The following PCDHGA8 variants were observed in gnomAD, a reference collection of about 807,000 sequenced individuals.
PCDHGA8 encodes protocadherin gamma-A8.
A neutral mutation model predicts 59.2 loss-of-function variants in PCDHGA8; 45 were observed. The ratio of observed to expected loss-of-function variants is 0.76; its 90% CI spans 0.60 to 0.98. PCDHGA8 has a LOEUF of 0.98. Ranked by LOEUF, PCDHGA8 falls within the 50% of genes least tolerant of loss-of-function variation. The probability of loss-of-function intolerance (pLI) is 0.00; values close to 1 mark genes in which losing one functional copy is unlikely to be tolerated. For missense variants in PCDHGA8, 1,257 were observed against 1,196.2 expected, an observed-to-expected ratio of 1.05 and a Z score of -0.75; for synonymous variants, 531 against 519.0, an observed-to-expected ratio of 1.02 and a Z score of -0.32.
chr5:141,490,421 C>T lies in PCDHGA8; in HGVS notation c.2425-4386C>T. On this transcript the variant is annotated intron_variant, in intron 1 of 3. Coordinates refer to ENST00000398604, the MANE Select transcript of PCDHGA8 (RefSeq NM_032088.2). The surrounding 1 kb of genome is among the most constrained non-coding windows in gnomAD (Gnocchi z 5.4). ...AGCCTTGATATCTCTCCGGACCTGCCATTTCAGATTAAGCCTTCTGAGAAC... is the reference window on the plus strand; with the variant it reads ...AGCCTTGATATCTCTCCGGACCTGCTATTTCAGATTAAGCCTTCTGAGAAC... 1 of 1,614,192 alleles carries T rather than the reference C, an allele frequency of 6.2e-7. No homozygotes were observed. The highest frequency in any genetic ancestry group is 8.5e-7 in the Non-Finnish European group (1 of 1,180,016).
In PCDHGA8 at chr5:141,395,206, A is replaced by T; in HGVS notation, c.2393A>T (p.His798Leu). ...TCTTTGTTAACATCCGTAGATTTTC[A>T]TGAATATAAGAATGAAGCTGATCAT... ...NDSLLTSVDF[H>L]EYKNEADHGQ... The change falls in exon 1 of 4, where the codon CAT becomes CTT. Residue 798 changes from histidine (H) to leucine (L), a missense_variant. By Grantham distance (99) the His-to-Leu change is moderately conservative. Coordinates refer to ENST00000398604, the MANE Select transcript of PCDHGA8 (RefSeq NM_032088.2). The T allele has an allele frequency of 1.9e-6, 3 of 1,613,736 alleles. No individual in the cohort carries two copies. The highest frequency in any genetic ancestry group is 2.5e-6 in the Non-Finnish European group (3 of 1,179,736).
At chr5:141,503,478 C>T (rs1249372985) in intron 2 of PCDHGA8, among the ~76,000 whole-genome samples, 3 of 151,680 alleles carry the variant, frequency 2.0e-5, no homozygotes, top group East Asian at 1.9e-4. Context: ...GTGCACTTGT[C>T]GTCCCAGCTG....
chr5:141,393,768 A>G lies in PCDHGA8; in HGVS notation c.955A>G (p.Ile319Val). 6.2e-7 allele frequency: 1 copy of G among 1,613,968 alleles called. No homozygotes were observed. Among genetic ancestry groups the G allele is most frequent in the East Asian group, 2.2e-5 (1 of 44,878 alleles). The change falls in exon 1 of 4, where the codon ATA (isoleucine) becomes GTA (valine). Residue 319 changes from isoleucine to valine, a missense_variant. Ile to Val is a conservative substitution (Grantham distance 29, BLOSUM62 3). Coordinates refer to ENST00000398604, the MANE Select transcript of PCDHGA8 (RefSeq NM_032088.2). ...YEECSFYEMEIQAEDVGALLG... is the reference protein window; with the variant it reads ...YEECSFYEMEVQAEDVGALLG... ...AGAATGTTCATTTTATGAAATGGAA[A>G]TACAAGCCGAAGATGTGGGGGCACT...
intron 1 of PCDHGA8, chr5:141,423,883 A>T (rs1211746978): frequency 1.6e-6 from 2 of 1,283,342 alleles, no homozygotes; most frequent in Admixed American, 7.5e-5. Context: ...CAATCTTGGC[A>T]TATTTTCTTT....
Position 141,489,934 on chromosome 5 carries a change from G to A in PCDHGA8, c.2425-4873G>A, listed in dbSNP as rs777780708. 1.7e-5 allele frequency: 28 copies of A among 1,614,176 alleles called. No homozygotes were observed. Among genetic ancestry groups the A allele is most frequent in the East Asian group, 6.7e-5 (3 of 44,876 alleles). On this transcript the variant is annotated intron_variant, in intron 1 of 3. Coordinates refer to ENST00000398604, the MANE Select transcript of PCDHGA8 (RefSeq NM_032088.2). This position sits in a 1 kb window ranked among gnomAD's most constrained non-coding sequence, Gnocchi z 4.5. ...AGGGACCACCCTTATCTCTGTCATCGTGCTGGACATCAATGATAATGCTCC... is the reference window on the plus strand; with the variant it reads ...AGGGACCACCCTTATCTCTGTCATCATGCTGGACATCAATGATAATGCTCC...
At chr5:141,443,166 C>G (rs914863821) in intron 1 of PCDHGA8, among the ~76,000 whole-genome samples, 1 of 152,124 alleles carries the variant, frequency 6.6e-6, no homozygotes, top group African/African-American at 2.4e-5. Flanking sequence ...ATTTCCCTAC[C>G]CATGTCCACT....
chr5:141,501,381 T>A (rs1261533671), intron 2 of PCDHGA8, among the ~76,000 whole-genome samples: 4 of 151,750 alleles, frequency 2.6e-5, no homozygotes, highest in African/African-American at 9.7e-5. Flanking sequence ...TCTTAAATCC[T>A]AGGTCCTGTC....
chr5:141,394,674 C>G lies in PCDHGA8; in HGVS notation c.1861C>G (p.Leu621Val). ...CGAGCCGGGACTCTTCTCGGTGGGT[C>G]TGCACACGGGCGAGGTGCGCACGGC... ...ASEPGLFSVG[L>V]HTGEVRTARA... The change falls in exon 1 of 4, where the codon CTG becomes GTG. Residue 621 changes from leucine (L) to valine (V), a missense_variant. Transcript: ENST00000398604. 1 of 1,612,758 alleles carries G rather than the reference C, an allele frequency of 6.2e-7. No individual in the cohort carries two copies. The highest frequency in any genetic ancestry group is 8.5e-7 in the Non-Finnish European group (1 of 1,179,752).
chr5:141,471,206 T>C (rs113465424), intron 1 of PCDHGA8: 16,891 of 151,686 alleles, frequency 0.11, 970 homozygotes, highest in South Asian at 0.15. Context: ...CCCACCCCCA[T>C]GCCTGGCAAT....
intron 1 of PCDHGA8, chr5:141,396,416 C>T (rs1336875388): frequency 6.6e-6 from 1 of 152,140 alleles, no homozygotes; most frequent in Non-Finnish European, 1.5e-5. Flanking sequence ...GTCAGGAGTT[C>T]AAGATCAGCC....
intron 1 of PCDHGA8, chr5:141,409,204 C>A: frequency 6.2e-7 from 1 of 1,613,942 alleles, no homozygotes; most frequent in South Asian, 1.1e-5. Flanking sequence ...GTAAAGTAAT[C>A]ATAGAAATCC....
At chr5:141,433,691 G>A (rs2097644575) in intron 1 of PCDHGA8, among the ~76,000 whole-genome samples, 1 of 152,044 alleles carries the variant, frequency 6.6e-6, no homozygotes, top group Non-Finnish European at 1.5e-5. Flanking sequence ...TACAAAATTA[G>A]CCGGGCGTGG....
chr5:141,424,087 A>C, intron 1 of PCDHGA8: 1 of 933,106 alleles, frequency 1.1e-6, no homozygotes, highest in Non-Finnish European at 1.3e-6. Flanking sequence ...TTCCACCATT[A>C]TTTGCTATTA....
intron 3 of PCDHGA8, among the ~76,000 whole-genome samples, chr5:141,505,766 C>T (rs1420683619): frequency 2.0e-5 from 3 of 151,768 alleles, no homozygotes; most frequent in African/African-American, 4.8e-5. Context: ...CAGTGTAGCT[C>T]AGGTCCTAGC....
At chr5:141,407,276 T>C (rs1393118660) in intron 1 of PCDHGA8, among the ~76,000 whole-genome samples, 2 of 152,292 alleles carry the variant, frequency 1.3e-5, no homozygotes, top group East Asian at 3.9e-4. Context: ...AACAAGAAAA[T>C]TGTTACAATT....
intron 1 of PCDHGA8, chr5:141,398,805 T>C: frequency 1.2e-6 from 2 of 1,613,964 alleles, no homozygotes; most frequent in Non-Finnish European, 1.7e-6. Flanking sequence ...GCGGCACCAC[T>C]GAGCTCCGGA....
intron 1 of PCDHGA8, among the ~76,000 whole-genome samples, chr5:141,453,823 G>A (rs2154564414): frequency 6.6e-6 from 1 of 152,250 alleles, no homozygotes; most frequent in South Asian, 2.1e-4. Flanking sequence ...GACAAACTTG[G>A]CTGCTAGCCC....
intron 1 of PCDHGA8, chr5:141,415,974 CAA>C (rs1192315813): frequency 2.7e-6 from 1 of 375,644 alleles, no homozygotes; most frequent in Non-Finnish European, 4.4e-6. Context: ...GCCCCTTAAG[CAA>C]CCCTCTTGTT....
At chr5:141,399,593 C>T in intron 1 of PCDHGA8, 1 of 1,613,988 alleles carries the variant, frequency 6.2e-7, no homozygotes, top group Non-Finnish European at 8.5e-7. Flanking sequence ...TCTATCATGG[C>T]CAGCGACCTA....
Sources: gnomAD v4.1 joint callset for allele counts (sites outside exome capture counted in the v4.1 genomes callset) on GRCh38, gnomAD v4.1.1 for gene constraint, Gnocchi (gnomAD v3.1) non-coding constraint, MANE v1.5 for transcripts, NCBI Gene and HGNC (gene_info 2026-07-23, HGNC 2026-07-21) for gene names.